Variants in NBPF15 observed in about 807,000 individuals in gnomAD.
NBPF15 encodes NBPF member 15, also known as NBPF family member NBPF15.
NBPF15 carries 74 observed loss-of-function variants against 62.2 expected under a neutral mutation model. That is an observed-to-expected ratio of 1.19 (90% CI 0.99 to 1.44). NBPF15 has a LOEUF of 1.44. Ranked by LOEUF, NBPF15 falls within the 40% of genes most tolerant of loss-of-function variation. The pLI is 0.00. For synonymous variants in NBPF15, 244 were observed against 209.7 expected, an observed-to-expected ratio of 1.16 and a Z score of -1.41; for missense variants, 790 against 550.0, an observed-to-expected ratio of 1.44 and a Z score of -4.36.
chr1:144,447,212 T>C (rs1229126078), intron 6 of NBPF15, among the ~76,000 whole-genome samples: 3 of 152,218 alleles, frequency 2.0e-5, no homozygotes, highest in Non-Finnish European at 2.9e-5. Flanking sequence ...AGAGGAGAGG[T>C]GCCACAGGAC....
chr1:144,427,947 G>T lies in NBPF15; in HGVS notation c.1084C>A (p.Gln362Lys), dbSNP rs1553539625. 2 of 779,696 alleles carry T rather than the reference G, an allele frequency of 2.6e-6. No homozygotes were observed. Among genetic ancestry groups the T allele is most frequent in the East Asian group, 2.4e-5 (1 of 41,098 alleles). The allele number at this position is 779,696 out of a possible 1,614,324, so 48.3% of individuals were successfully genotyped here. A position where few individuals can be genotyped will look rare whatever the true frequency, so the allele number is the denominator to read the frequency against. ...GAATAACATCTATCCAGTGAGTCCT[G>T]CAAGACTTCAGGCTCTTTCTCATCC... is the stretch of plus-strand genomic sequence containing the variant. ...LLDEKEPEVL[Q>K]DSLDRCYSTP... The change falls in exon 16 of 22, where the codon CAG becomes AAG. Residue 362 changes from glutamine (Q) to lysine (K), a missense_variant. Physicochemically the swap from Gln to Lys is moderately conservative, Grantham distance 53 (BLOSUM62 1). Coordinates refer to ENST00000581897, the MANE Select transcript of NBPF15 (RefSeq NM_001385408.1).
intron 20 of NBPF15, among the ~76,000 whole-genome samples, chr1:144,424,309 C>T (rs1314337667): frequency 8.6e-5 from 13 of 151,332 alleles, no homozygotes; most frequent in Admixed American, 3.3e-4. Flanking sequence ...AATATTTAGC[C>T]CTGTCTCATC....
rs1282526606 is a variant in NBPF15 at position 144,427,912 on chromosome 1, T to A, written c.1119A>T (p.Ser373=). The change falls in exon 16 of 22, where the codon TCA becomes TCT. Residue 373 remains serine, a synonymous_variant. Coordinates refer to ENST00000581897, the MANE Select transcript of NBPF15 (RefSeq NM_001385408.1). Reference sequence around the variant, plus strand: ...ATGAGTCAGTCAGTTCAAGACAACCTGAAGGAGTTGAATAACATCTATCCA... The same window carrying A: ...ATGAGTCAGTCAGTTCAAGACAACCAGAAGGAGTTGAATAACATCTATCCA... ...DSLDRCYSTP[S]GCLELTDSCQ... is the part of the protein sequence containing the mutation. 1.4e-6 allele frequency: 1 copy of A among 694,854 alleles called. No homozygotes were observed. The highest frequency in any genetic ancestry group is 2.6e-6 in the Non-Finnish European group (1 of 380,934). The allele number at this position is 694,854 out of a possible 1,614,324, so 43.0% of individuals were successfully genotyped here.
In NBPF15 at chr1:144,423,490, T is replaced by C. The variant is rs1366999716; in HGVS notation, c.1770-234A>G. On this transcript the variant is annotated intron_variant, in intron 21 of 21. Coordinates refer to ENST00000581897, the MANE Select transcript of NBPF15 (RefSeq NM_001385408.1). The stretch of plus-strand genomic sequence containing the variant: ...GACAGAGACAGAGACAGAGAGAAAG[T>C]GAGCTAGTGAATTGCCCAGGTGACA... Among the ~76,000 whole-genome samples, 3 of 151,380 alleles carry C rather than the reference T, an allele frequency of 2.0e-5. No individual in the cohort carries two copies. In the East Asian group the frequency reaches 5.8e-4, roughly 29 times the overall value.
intron 13 of NBPF15, among the ~76,000 whole-genome samples, chr1:144,430,941 G>A (rs1320191650): frequency 6.6e-6 from 1 of 152,044 alleles, no homozygotes; most frequent in Non-Finnish European, 1.5e-5. Flanking sequence ...ACAAGCTTCA[G>A]TAGCCAATTC....
At chr1:144,443,419 C>T (rs1354361604) in intron 6 of NBPF15, among the ~76,000 whole-genome samples, 3 of 151,284 alleles carry the variant, frequency 2.0e-5, no homozygotes, top group Non-Finnish European at 4.4e-5. Context: ...TTCTTCAAGA[C>T]CGACTTGCTT....
Position 144,439,917 on chromosome 1 carries a change from T to C in NBPF15, c.87A>G (p.Ala29=). The part of the protein sequence containing the change: ...EINEKLRPQL[A]EKKQQFRNLK... ...GGTTTCTGAACTGCTGTTTCTTCTC[T>C]GCCAACTGGGGGCGCAATTTCTCAT... The change falls in exon 8 of 22, where the codon GCA becomes GCG. Residue 29 remains alanine, a synonymous_variant. Coordinates refer to ENST00000581897, the MANE Select transcript of NBPF15 (RefSeq NM_001385408.1). 1.9e-6 allele frequency: 3 copies of C among 1,611,572 alleles called. No homozygotes were observed. Among genetic ancestry groups the C allele is most frequent in the Non-Finnish European group, 2.5e-6 (3 of 1,179,330 alleles).
At chr1:144,458,572 C>A (rs1311285358) in intron 3 of NBPF15, among the ~76,000 whole-genome samples, 5 of 149,706 alleles carry the variant, frequency 3.3e-5, no homozygotes, top group African/African-American at 1.2e-4. Flanking sequence ...GAGATGGGAT[C>A]TCACTATATT....
intron 4 of NBPF15, among the ~76,000 whole-genome samples, chr1:144,453,216 T>C (rs1553545919): frequency 6.7e-6 from 1 of 150,354 alleles, no homozygotes; most frequent in Non-Finnish European, 1.5e-5. Context: ...CATGGAGGTT[T>C]AGAGACAATT....
intron 5 of NBPF15, among the ~76,000 whole-genome samples, chr1:144,449,491 G>A (rs1689735296): frequency 6.6e-6 from 1 of 150,838 alleles, no homozygotes; most frequent in Admixed American, 6.6e-5. Flanking sequence ...TTCATTCCAT[G>A]GAATGGCTAA....
At position 144,456,670 on chromosome 1, in the gene NBPF15, C is replaced by T; in HGVS notation, c.-565G>A. 1 of 1,451,502 alleles carries T rather than the reference C, an allele frequency of 6.9e-7. No individual in the cohort carries two copies. The highest frequency in any genetic ancestry group is 9.1e-7 in the Non-Finnish European group (1 of 1,093,652). 89.9% of individuals were successfully genotyped at this position (1,451,502 alleles called of 1,614,324 possible). On this transcript the variant is annotated 5_prime_UTR_variant, in exon 4 of 22. Transcript: ENST00000581897. ...CTGGACAGTGGGAGTTGGTGGCAGCCCCAGCGTGGAGGCCAAGAACACACA... is the reference window on the plus strand; with the variant it reads ...CTGGACAGTGGGAGTTGGTGGCAGCTCCAGCGTGGAGGCCAAGAACACACA...
At position 144,434,836 on chromosome 1, in the gene NBPF15, G is replaced by A. The variant is rs587747324; in HGVS notation, c.772+275C>T. Among the ~76,000 whole-genome samples, 93 of 152,014 alleles carry A rather than the reference G, an allele frequency of 6.1e-4. 1 individual carries two copies. Among genetic ancestry groups the A allele is most frequent in the African/African-American group, 2.0e-3 (84 of 41,470 alleles). Reference sequence around the variant, plus strand: ...CACAGATGACAAGAGATACTGAATCGAAGCTAGGAGGCCTGACAGATATGG... The same window carrying A: ...CACAGATGACAAGAGATACTGAATCAAAGCTAGGAGGCCTGACAGATATGG... On this transcript the variant is annotated intron_variant, in intron 12 of 21. Transcript: ENST00000581897.
intron 8 of NBPF15, among the ~76,000 whole-genome samples, chr1:144,438,948 G>T (rs1277607316): frequency 6.6e-6 from 1 of 151,682 alleles, no homozygotes; most frequent in Non-Finnish European, 1.5e-5. Flanking sequence ...CTCTCACCAA[G>T]CTACTCTCTG....
intron 4 of NBPF15, among the ~76,000 whole-genome samples, chr1:144,455,299 A>G (rs1399884660): frequency 2.6e-5 from 4 of 151,692 alleles, no homozygotes; most frequent in African/African-American, 7.3e-5. Flanking sequence ...GAAGGAAGGA[A>G]GGAAGGAAAT....
At chr1:144,447,669 C>T (rs1468785940) in intron 6 of NBPF15, among the ~76,000 whole-genome samples, 2 of 151,964 alleles carry the variant, frequency 1.3e-5, no homozygotes, top group East Asian at 1.9e-4. Context: ...CCAGGTGACA[C>T]TAATATCCCC....
chr1:144,440,031 G>A lies in NBPF15; in HGVS notation c.-28C>T. 5 of 1,602,670 alleles carry A rather than the reference G, an allele frequency of 3.1e-6. No homozygotes were observed. The highest frequency in any genetic ancestry group is 3.4e-6 in the Non-Finnish European group (4 of 1,171,424). On this transcript the variant is annotated 5_prime_UTR_variant, in exon 8 of 22. Transcript: ENST00000581897. Reference sequence around the variant, plus strand: ...TGACGTTTGTGGCAGAAGAGGTGGAGTCAGGGACTGGGGAGAAGAAACCCA... The same window carrying A: ...TGACGTTTGTGGCAGAAGAGGTGGAATCAGGGACTGGGGAGAAGAAACCCA...
At chr1:144,442,488 CGAG>C (rs1213702844) in intron 6 of NBPF15, 1 of 149,392 alleles carries the variant, frequency 6.7e-6, no homozygotes, top group Non-Finnish European at 1.5e-5. Flanking sequence ...AGAGTCGTGG[CGAG>C]GAGGACAGCA....
At chr1:144,427,449 C>T (rs1412390303) in intron 16 of NBPF15, among the ~76,000 whole-genome samples, 3 of 149,500 alleles carry the variant, frequency 2.0e-5, no homozygotes, top group South Asian at 2.2e-4. Flanking sequence ...ATCAAATACT[C>T]AGATTGTTCA....
chr1:144,440,098 A>C, intron 7 of NBPF15, 43 bp downstream of exon 7: 1 of 1,578,032 alleles, frequency 6.3e-7, no homozygotes, highest in Non-Finnish European at 8.7e-7. Context: ...AAATAGGTTT[A>C]ATCAGGACTG....
Sources: allele counts gnomAD v4.1 joint callset (sites outside exome capture counted in the v4.1 genomes callset), GRCh38; gene constraint gnomAD v4.1.1; transcripts MANE v1.5; gene names NCBI Gene and HGNC (gene_info 2026-07-23, HGNC 2026-07-21).